The following TASP1 variants were observed in gnomAD, a reference collection of about 807,000 sequenced individuals.
TASP1 encodes the protein threonine aspartase 1.
A neutral mutation model predicts 56.6 loss-of-function variants in TASP1; 16 were observed. The observed-to-expected ratio is 0.28, with a 90% CI of 0.19 to 0.43. The LOEUF (loss-of-function observed/expected upper bound fraction) is 0.43. TASP1 is among the 20% of genes least tolerant of loss of function. TASP1 has a pLI of 1.00. For synonymous variants in TASP1, 179 were observed against 184.2 expected (o/e 0.97, Z 0.23); for missense variants, 393 against 511.6 (o/e 0.77, Z 2.24).
rs995437357 is a variant in TASP1, at chr20:13,439,272, A to G, written c.986-4118T>C. On this transcript the variant is annotated intron_variant, in intron 11 of 13. Coordinates refer to ENST00000337743, the MANE Select transcript of TASP1 (RefSeq NM_017714.3). ...GAACCAACCCAAATGTCCATCAATG[A>G]TAGACTGGATTAAGAAAATGTGGCA... Among the ~76,000 whole-genome samples, 4 of 152,202 alleles carry G rather than the reference A, an allele frequency of 2.6e-5. No homozygotes were observed. In the South Asian group the frequency reaches 8.3e-4, roughly 32 times the overall value.
intron 11 of TASP1, among the ~76,000 whole-genome samples, chr20:13,458,382 T>C (rs573093286): frequency 6.6e-6 from 1 of 152,180 alleles, no homozygotes; most frequent in Non-Finnish European, 1.5e-5. Context: ...GGTTTCGCTC[T>C]TGTTGCCTAG....
intron 10 of TASP1, among the ~76,000 whole-genome samples, chr20:13,517,177 T>C (rs985307662): frequency 3.9e-5 from 6 of 152,106 alleles, no homozygotes; most frequent in Admixed American, 1.3e-4. Flanking sequence ...TATTCCTATA[T>C]TGGCAAGAAG....
chr20:13,549,199 C>G (rs2045900322), intron 8 of TASP1, among the ~76,000 whole-genome samples: 1 of 152,136 alleles, frequency 6.6e-6, no homozygotes, highest in African/African-American at 2.4e-5. Flanking sequence ...TACACTGTCT[C>G]TCACCTTACC....
chr20:13,108,523 G>T, the TASP1 span, among the ~76,000 whole-genome samples: 1 of 152,180 alleles, frequency 6.6e-6, no homozygotes, highest in African/African-American at 2.4e-5. Context: ...CGCTTCTTGA[G>T]AGCTTTGTCT....
the TASP1 span, chr20:13,160,035 T>C: frequency 1.2e-6 from 2 of 1,613,814 alleles, no homozygotes; most frequent in Non-Finnish European, 1.7e-6. Flanking sequence ...GAGAAAAAAA[T>C]TGGAGTGGTG....
At chr20:13,254,840 G>A in the TASP1 span, among the ~76,000 whole-genome samples, 6 of 152,218 alleles carry the variant, frequency 3.9e-5, no homozygotes, top group Non-Finnish European at 8.8e-5. Flanking sequence ...TGTAGGAGGA[G>A]TCAACTGTGG....
chr20:13,144,512 A>C, the TASP1 span, among the ~76,000 whole-genome samples: 2 of 152,256 alleles, frequency 1.3e-5, no homozygotes, highest in Non-Finnish European at 2.9e-5. Context: ...ATATAGAGGC[A>C]GATAGAACCT....
At chr20:13,259,693 CA>C in the TASP1 span, among the ~76,000 whole-genome samples, 3 of 152,264 alleles carry the variant, frequency 2.0e-5, 1 homozygote, top group South Asian at 6.2e-4. Context: ...TTCTACTAGA[CA>C]AAAACATTTC....
chr20:13,331,120 T>C, the TASP1 span, among the ~76,000 whole-genome samples: 6 of 152,208 alleles, frequency 3.9e-5, no homozygotes, highest in Non-Finnish European at 8.8e-5. Flanking sequence ...TCTTATTTTC[T>C]AGTATAAGCA....
chr20:13,542,897 C>A (rs1031985304), intron 8 of TASP1, among the ~76,000 whole-genome samples: 1 of 151,250 alleles, frequency 6.6e-6, no homozygotes, highest in African/African-American at 2.4e-5. Context: ...AGCTAACTAT[C>A]CAACAAAAGA....
the TASP1 span, among the ~76,000 whole-genome samples, chr20:13,293,245 G>A: frequency 1.3e-5 from 2 of 151,252 alleles, no homozygotes; most frequent in African/African-American, 4.9e-5. Context: ...ATAAACCTTT[G>A]GTACAGTTTG....
chr20:13,110,290 T>G, the TASP1 span: 1 of 1,253,700 alleles, frequency 8.0e-7, no homozygotes, highest in Non-Finnish European at 1.1e-6. Flanking sequence ...AAGGCTCACC[T>G]TTCCTAGCTA....
chr20:13,631,661 C>G lies in TASP1; in HGVS notation c.-74-1509G>C, dbSNP rs969374165. ...GGCTTTGGAAAATTACGAGCTTCAG[C>G]TAAAACGAAAACACATCTAAGCAGT... On this transcript the variant is annotated intron_variant, in intron 1 of 13. Transcript: ENST00000337743. Among the ~76,000 whole-genome samples, 5 of 152,190 alleles carry G rather than the reference C, an allele frequency of 3.3e-5. No individual in the cohort carries two copies. The East Asian group carries it at 9.6e-4, about 29-fold the overall frequency.
the TASP1 span, among the ~76,000 whole-genome samples, chr20:13,334,716 C>CA: frequency 6.6e-6 from 1 of 151,902 alleles, no homozygotes; most frequent in South Asian, 2.1e-4. Context: ...GTCTAGTATC[C>CA]AAAAAAGATT....
intron 10 of TASP1, among the ~76,000 whole-genome samples, chr20:13,507,069 G>A (rs1340156426): frequency 6.6e-6 from 1 of 152,106 alleles, no homozygotes; most frequent in East Asian, 1.9e-4. Flanking sequence ...ATTCAGTACA[G>A]TTGCAGGACA....
intron 10 of TASP1, among the ~76,000 whole-genome samples, chr20:13,487,630 G>T (rs1396120869): frequency 6.6e-6 from 1 of 151,932 alleles, no homozygotes; most frequent in African/African-American, 2.4e-5. Context: ...TTCTACTTGT[G>T]GGTATCCCGA....
the TASP1 span, among the ~76,000 whole-genome samples, chr20:13,125,976 T>C: frequency 2.6e-5 from 4 of 152,228 alleles, no homozygotes; most frequent in Admixed American, 1.3e-4. Flanking sequence ...GCTTTCTTGC[T>C]TCTGTTCCTT....
chr20:13,439,637 CCTAAA>C (rs2043145048), intron 11 of TASP1, among the ~76,000 whole-genome samples: 2 of 151,670 alleles, frequency 1.3e-5, no homozygotes, highest in Non-Finnish European at 2.9e-5. Context: ...GCACATGTAC[CCTAAA>C]ACTTAAAGTA....
chr20:13,581,872 T>C (rs1382419163), intron 5 of TASP1, among the ~76,000 whole-genome samples: 1 of 152,126 alleles, frequency 6.6e-6, no homozygotes, highest in Non-Finnish European at 1.5e-5. Context: ...AGAAAACATT[T>C]ATACAGAGGG....
Sources: allele counts gnomAD v4.1 joint callset (sites outside exome capture counted in the v4.1 genomes callset), GRCh38; gene constraint gnomAD v4.1.1; transcripts MANE v1.5; gene names NCBI Gene and HGNC (gene_info 2026-07-23, HGNC 2026-07-21).